Variants in TANC1 observed in about 807,000 individuals in gnomAD.
The protein encoded by TANC1 is tetratricopeptide repeat, ankyrin repeat and coiled-coil containing 1, also known as protein TANC1.
In TANC1, 77 loss-of-function variants were observed where a neutral mutation model predicts 149.7. That is an observed-to-expected ratio of 0.51 (90% CI 0.43 to 0.62). The LOEUF is 0.62. Among genes scored for constraint, TANC1 ranks in the 20% least tolerant of loss-of-function variants. TANC1 has a pLI of 0.00. For synonymous variants in TANC1, 854 were observed against 925.0 expected, an observed-to-expected ratio of 0.92 and a Z score of 1.39; for missense variants, 1,985 against 2,321.8, an observed-to-expected ratio of 0.85 and a Z score of 2.98.
rs556377317 is a variant in TANC1 at position 159,103,975 on chromosome 2, G to A, written c.259+6141G>A. Among the ~76,000 whole-genome samples the A allele has an allele frequency of 9.4e-5, 9 of 96,006 alleles. 1 individual carries two copies. The highest frequency in any genetic ancestry group is 2.6e-4 in the African/African-American group (9 of 34,758). 63.0% of individuals were successfully genotyped at this position (96,006 alleles called of 152,430 possible). A position where few individuals can be genotyped will look rare whatever the true frequency, so the allele number is the denominator to read the frequency against. ...AAGCCTCACATGGATCCATGAGGCT[G>A]CTTCTTGGAGGGTGAAGAATAACAC... On this transcript the variant is annotated intron_variant, in intron 4 of 26. Coordinates refer to ENST00000263635, the MANE Select transcript of TANC1 (RefSeq NM_033394.3).
intron 5 of TANC1, among the ~76,000 whole-genome samples, chr2:159,143,403 C>CA (rs2051656540): frequency 6.6e-6 from 1 of 151,788 alleles, no homozygotes; most frequent in Admixed American, 6.6e-5. Flanking sequence ...TGTAACAGTA[C>CA]AAAAAATTCA....
chr2:159,148,012 T>TAAC (rs1186092249), intron 5 of TANC1: 1 of 152,264 alleles, frequency 6.6e-6, no homozygotes, highest in Non-Finnish European at 1.5e-5. Flanking sequence ...GGTGCTGTTG[T>TAAC]AGCTCAACGG....
chr2:159,076,791 G>A lies in TANC1; in HGVS notation c.61+10820G>A, dbSNP rs115184852. Reference sequence around the variant, plus strand: ...ACCCAAAGTCGTATAGCTAGTTAAAGCAAAGATGGACTCAGAGTGTAGTGT... The same window carrying A: ...ACCCAAAGTCGTATAGCTAGTTAAAACAAAGATGGACTCAGAGTGTAGTGT... On this transcript the variant is annotated intron_variant, in intron 3 of 26. Coordinates refer to ENST00000263635, the MANE Select transcript of TANC1 (RefSeq NM_033394.3). Among the ~76,000 whole-genome samples, 933 of 152,258 alleles carry A rather than the reference G, an allele frequency of 6.1e-3. 12 individuals carry two copies. Among genetic ancestry groups the A allele is most frequent in the African/African-American group, 0.021 (859 of 41,546 alleles).
chr2:159,107,644 G>A (rs1384707659), intron 4 of TANC1, among the ~76,000 whole-genome samples: 1 of 152,116 alleles, frequency 6.6e-6, no homozygotes, highest in Admixed American at 6.6e-5. Context: ...TCATTGTTGT[G>A]CCTTCACCCA....
Position 159,172,018 on chromosome 2 carries a change from C to T in TANC1, c.1352-103C>T, listed in dbSNP as rs534828857. 5.8e-6 allele frequency: 7 copies of T among 1,201,976 alleles called. No individual in the cohort carries two copies. The African/African-American group carries it at 9.0e-5, about 16-fold the overall frequency. 74.5% of individuals were successfully genotyped at this position (1,201,976 alleles called of 1,614,324 possible). A position where few individuals can be genotyped will look rare whatever the true frequency, so the allele number is the denominator to read the frequency against. On this transcript the variant is annotated intron_variant, in intron 10 of 26. Coordinates refer to ENST00000263635, the MANE Select transcript of TANC1 (RefSeq NM_033394.3). ...CTCTGAATTTTGGACCATGTTCACT[C>T]CTTGCTTATTAAAATATGCCCTGGC... is the stretch of plus-strand genomic sequence containing the variant.
chr2:159,145,634 C>T (rs976060096), intron 5 of TANC1, among the ~76,000 whole-genome samples: 3 of 152,162 alleles, frequency 2.0e-5, no homozygotes, highest in East Asian at 1.9e-4. Flanking sequence ...GTGGACTGCT[C>T]CTTAGCATTT....
intron 14 of TANC1, 122 bp downstream of exon 14, chr2:159,179,285 C>G: frequency 7.6e-7 from 1 of 1,318,126 alleles, no homozygotes; most frequent in East Asian, 2.3e-5. Context: ...TTCAGTGTTA[C>G]TGCTTTGTTT....
chr2:159,024,039 C>G (rs1320298950), intron 2 of TANC1, among the ~76,000 whole-genome samples: 1 of 151,960 alleles, frequency 6.6e-6, no homozygotes, highest in Non-Finnish European at 1.5e-5. Context: ...TATCTACCAA[C>G]CAGCTTCACA....
intron 3 of TANC1, among the ~76,000 whole-genome samples, chr2:159,086,119 G>T (rs920459274): frequency 6.6e-6 from 1 of 152,040 alleles, no homozygotes; most frequent in Admixed American, 6.5e-5. Flanking sequence ...CAGCATGGTG[G>T]TCCACTACTG....
chr2:159,163,159 T>C, intron 7 of TANC1, 124 bp from the exon 8 acceptor site: 3 of 959,374 alleles, frequency 3.1e-6, no homozygotes, highest in Admixed American at 2.8e-5. Flanking sequence ...GAACATACTT[T>C]GATAAAAATC....
At chr2:159,113,150 C>T (rs2047925394) in intron 4 of TANC1, among the ~76,000 whole-genome samples, 1 of 151,888 alleles carries the variant, frequency 6.6e-6, no homozygotes, top group African/African-American at 2.4e-5. Context: ...ACCCTGTTGC[C>T]TTCAGCCATA....
At chr2:159,217,975 A>G (rs996884665) in intron 20 of TANC1, among the ~76,000 whole-genome samples, 1 of 152,246 alleles carries the variant, frequency 6.6e-6, no homozygotes, top group Non-Finnish European at 1.5e-5. Context: ...TTTGTCCAAC[A>G]TACTTGGAAG....
chr2:159,081,728 A>G (rs1437106752), intron 3 of TANC1, among the ~76,000 whole-genome samples: 1 of 152,170 alleles, frequency 6.6e-6, no homozygotes, highest in African/African-American at 2.4e-5. Flanking sequence ...TTTGGCTTGG[A>G]AAACCCTAGA....
intron 23 of TANC1, 69 bp downstream of exon 23, chr2:159,224,433 C>G: frequency 6.3e-7 from 1 of 1,575,076 alleles, no homozygotes; most frequent in Non-Finnish European, 8.7e-7. Context: ...CTAGACAGCA[C>G]AGAGAGTGAC....
chr2:159,047,299 A>G (rs1301394577), intron 2 of TANC1, among the ~76,000 whole-genome samples: 2 of 151,750 alleles, frequency 1.3e-5, no homozygotes, highest in Non-Finnish European at 2.9e-5. Flanking sequence ...CTGTCACTCA[A>G]GCCAGAAATT....
At chr2:159,116,371 T>C (rs66686833) in intron 4 of TANC1, among the ~76,000 whole-genome samples, 36,022 of 151,398 alleles carry the variant, frequency 0.24, 5,661 homozygotes, top group Non-Finnish European at 0.36. Flanking sequence ...ATGTTGCAGT[T>C]AGCCGAGATT....
At chr2:159,073,146 A>T (rs1294402693) in intron 3 of TANC1, among the ~76,000 whole-genome samples, 1 of 152,250 alleles carries the variant, frequency 6.6e-6, no homozygotes, top group Non-Finnish European at 1.5e-5. Flanking sequence ...AGTACAGTTT[A>T]TAAAATGTTA....
At chr2:159,084,656 T>C (rs1404820134) in intron 3 of TANC1, among the ~76,000 whole-genome samples, 1 of 152,176 alleles carries the variant, frequency 6.6e-6, no homozygotes, top group Non-Finnish European at 1.5e-5. Flanking sequence ...TAAAAGTCTT[T>C]TTCCCTTCCA....
chr2:159,044,500 T>C (rs182567586), intron 2 of TANC1, among the ~76,000 whole-genome samples: 2 of 152,144 alleles, frequency 1.3e-5, no homozygotes, highest in African/African-American at 4.8e-5. Flanking sequence ...TATGTTCTAG[T>C]CATCTTTTTA....
Sources: allele counts gnomAD v4.1 joint callset (sites outside exome capture counted in the v4.1 genomes callset), GRCh38; gene constraint gnomAD v4.1.1; transcripts MANE v1.5; gene names NCBI Gene and HGNC (gene_info 2026-07-23, HGNC 2026-07-21).